Variants in TMEM178B observed in about 807,000 individuals in gnomAD.
TMEM178B encodes transmembrane protein 178B.
In TMEM178B, 5 loss-of-function variants were observed where a neutral mutation model predicts 31.0. The ratio of observed to expected loss-of-function variants is 0.16; its 90% CI spans 0.08 to 0.34. The LOEUF is 0.34. Among genes scored for constraint, TMEM178B ranks in the 10% least tolerant of loss-of-function variants. The probability of loss-of-function intolerance (pLI) is 1.00; values close to 1 mark genes in which losing one functional copy is unlikely to be tolerated. For missense variants in TMEM178B, 275 were observed against 400.3 expected, an observed-to-expected ratio of 0.69 and a Z score of 2.67; for synonymous variants, 164 against 164.0, an observed-to-expected ratio of 1.00 and a Z score of 0.00.
the TMEM178B span, among the ~76,000 whole-genome samples, chr7:141,510,356 A>G: frequency 5.1e-4 from 77 of 152,312 alleles, 1 homozygote; most frequent in African/African-American, 1.7e-3. Context: ...AGAAGGAAAC[A>G]GAGCAAGAAC....
intron 2 of TMEM178B, chr7:141,415,534 G>C (rs1451228784): frequency 6.5e-6 from 1 of 152,712 alleles, no homozygotes; most frequent in African/African-American, 2.4e-5. Flanking sequence ...GGGTTCAAGG[G>C]AAGAAGGGCA....
intron 1 of TMEM178B, among the ~76,000 whole-genome samples, chr7:141,183,337 T>C (rs1192025252): frequency 6.6e-6 from 1 of 152,228 alleles, no homozygotes; most frequent in Admixed American, 6.5e-5. Flanking sequence ...GATTTGCCCT[T>C]AATTGTTGAA....
intron 1 of TMEM178B, among the ~76,000 whole-genome samples, chr7:141,153,689 A>G (rs898281990): frequency 1.3e-5 from 2 of 152,210 alleles, no homozygotes; most frequent in African/African-American, 2.4e-5. Flanking sequence ...TTAAATGACA[A>G]TGGACACTTT....
At chr7:141,132,686 G>A (rs566229346) in intron 1 of TMEM178B, among the ~76,000 whole-genome samples, 37 of 152,108 alleles carry the variant, frequency 2.4e-4, no homozygotes, top group East Asian at 1.2e-3. Flanking sequence ...CATATCATGC[G>A]TGCTACCTAG....
intron 2 of TMEM178B, among the ~76,000 whole-genome samples, chr7:141,417,186 A>T (rs917508448): frequency 5.3e-5 from 8 of 152,152 alleles, no homozygotes; most frequent in Non-Finnish European, 1.2e-4. Context: ...CTAGTCATTC[A>T]TGCTCCTACC....
chr7:141,165,947 A>G (rs1796253624), intron 1 of TMEM178B, among the ~76,000 whole-genome samples: 1 of 152,204 alleles, frequency 6.6e-6, no homozygotes, highest in Non-Finnish European at 1.5e-5. Flanking sequence ...TGTCCTTGTT[A>G]GCCACGGGCA....
intron 1 of TMEM178B, among the ~76,000 whole-genome samples, chr7:141,137,779 GT>G (rs1329591113): frequency 6.6e-6 from 1 of 152,052 alleles, no homozygotes; most frequent in Non-Finnish European, 1.5e-5. Flanking sequence ...AATATCACAG[GT>G]ACCACATAGA....
At chr7:141,294,034 A>G (rs560336863) in intron 2 of TMEM178B, among the ~76,000 whole-genome samples, 2 of 152,296 alleles carry the variant, frequency 1.3e-5, no homozygotes, top group Admixed American at 1.3e-4. Context: ...TCATGGTGGG[A>G]AGAGCAGAGA....
At chr7:141,411,011 G>A (rs529752247) in intron 2 of TMEM178B, among the ~76,000 whole-genome samples, 75 of 152,240 alleles carry the variant, frequency 4.9e-4, no homozygotes, top group African/African-American at 1.8e-3. Flanking sequence ...GTGGTTGAAT[G>A]CATAGAGAAA....
intron 1 of TMEM178B, among the ~76,000 whole-genome samples, chr7:141,174,660 G>C (rs1415521985): frequency 6.6e-6 from 1 of 152,142 alleles, no homozygotes; most frequent in Non-Finnish European, 1.5e-5. Flanking sequence ...CATTCTAACT[G>C]GCATGAGATG....
At chr7:141,309,263 T>C (rs1045487080) in intron 2 of TMEM178B, among the ~76,000 whole-genome samples, 1 of 152,212 alleles carries the variant, frequency 6.6e-6, no homozygotes, top group Non-Finnish European at 1.5e-5. Context: ...AATGCAGATA[T>C]ACCTAAGTGG....
chr7:141,344,057 G>A lies in TMEM178B; in HGVS notation c.497-93551G>A, dbSNP rs879757936. On this transcript the variant is annotated intron_variant, in intron 2 of 3. Transcript: ENST00000565468. The surrounding 1 kb of genome is among the most constrained non-coding windows in gnomAD (Gnocchi z 4.1). The stretch of plus-strand genomic sequence containing the variant: ...ATTGTGACAGATTTTAAAATACGGA[G>A]TATATGAGATATTGGCTCCTCACTA... Among the ~76,000 whole-genome samples the A allele has an allele frequency of 1.3e-5, 2 of 152,258 alleles. No homozygotes were observed. The highest frequency in any genetic ancestry group is 2.1e-4 in the South Asian group (1 of 4,822).
At chr7:141,129,181 C>T (rs1392910638) in intron 1 of TMEM178B, among the ~76,000 whole-genome samples, 1 of 152,162 alleles carries the variant, frequency 6.6e-6, no homozygotes, top group African/African-American at 2.4e-5. Context: ...GGGGAGCTAG[C>T]ATGGTCCTGG....
intron 2 of TMEM178B, among the ~76,000 whole-genome samples, chr7:141,292,046 T>G (rs536544487): frequency 6.6e-6 from 1 of 152,272 alleles, no homozygotes; most frequent in South Asian, 2.1e-4. Context: ...CTTTGTCAGG[T>G]TACAAATAGC....
At chr7:141,132,444 T>C (rs776125622) in intron 1 of TMEM178B, among the ~76,000 whole-genome samples, 4 of 152,198 alleles carry the variant, frequency 2.6e-5, no homozygotes. Context: ...CATTTAGCAA[T>C]GTACTTATTA....
At chr7:141,330,931 G>A (rs1382476399) in intron 2 of TMEM178B, among the ~76,000 whole-genome samples, 1 of 152,184 alleles carries the variant, frequency 6.6e-6, no homozygotes, top group Non-Finnish European at 1.5e-5. Flanking sequence ...TAATTTGAAG[G>A]TTGAGCCAAC....
At chr7:141,337,029 C>G (rs1247659491) in intron 2 of TMEM178B, among the ~76,000 whole-genome samples, 1 of 80,914 alleles carries the variant, frequency 1.2e-5, no homozygotes, top group Non-Finnish European at 2.3e-5. Context: ...ACCACCATCA[C>G]CACCACCACC....
At chr7:141,491,016 T>C in the TMEM178B span, among the ~76,000 whole-genome samples, 2 of 152,120 alleles carry the variant, frequency 1.3e-5, no homozygotes, top group African/African-American at 2.4e-5. Context: ...ACTCATACTC[T>C]TTTTTATTTT....
intron 2 of TMEM178B, among the ~76,000 whole-genome samples, chr7:141,291,537 G>C (rs1466243808): frequency 1.3e-5 from 2 of 152,064 alleles, no homozygotes; most frequent in Non-Finnish European, 2.9e-5. Context: ...AGTGAAATGT[G>C]CCACTCAGTC....
Sources: allele counts gnomAD v4.1 joint callset (sites outside exome capture counted in the v4.1 genomes callset), GRCh38; gene constraint gnomAD v4.1.1; non-coding constraint Gnocchi (gnomAD v3.1); transcripts MANE v1.5; gene names NCBI Gene and HGNC (gene_info 2026-07-23, HGNC 2026-07-21).